The following TXK variants were observed in gnomAD, a reference collection of about 807,000 sequenced individuals.
TXK encodes TXK tyrosine kinase.
TXK carries 60 observed loss-of-function variants against 81.0 expected under a neutral mutation model. The ratio of observed to expected loss-of-function variants is 0.74; its 90% confidence interval spans 0.60 to 0.92. TXK has a LOEUF of 0.92. Ranked by LOEUF, TXK falls within the 40% of genes least tolerant of loss-of-function variation. The pLI, the probability that TXK is intolerant of heterozygous loss-of-function variation, is 0.00. For missense variants in TXK, 581 were observed against 638.3 expected, an observed-to-expected ratio of 0.91 and a Z score of 0.97; for synonymous variants, 203 against 210.7, an observed-to-expected ratio of 0.96 and a Z score of 0.32.
At chr4:48,114,519 C>T (rs1718741412) in intron 1 of TXK, 117 bp from the exon 2 acceptor site, 4 of 1,030,624 alleles carry the variant, frequency 3.9e-6, no homozygotes, top group Non-Finnish European at 5.9e-6. Flanking sequence ...TCGATCGTGC[C>T]TTCCTTCACT....
At chr4:48,074,989 G>A (rs1383411584) in intron 12 of TXK, among the ~76,000 whole-genome samples, 1 of 152,042 alleles carries the variant, frequency 6.6e-6, no homozygotes, top group Non-Finnish European at 1.5e-5. Context: ...CCATGAACAG[G>A]AGTGAGATCT....
intron 1 of TXK, among the ~76,000 whole-genome samples, chr4:48,124,954 A>C (rs1719049938): frequency 6.6e-6 from 1 of 152,218 alleles, no homozygotes; most frequent in Non-Finnish European, 1.5e-5. Flanking sequence ...TGGGCAATCA[A>C]ATCTAGAAAA....
chr4:48,103,290 C>G (rs1324248187), intron 6 of TXK, among the ~76,000 whole-genome samples: 1 of 152,192 alleles, frequency 6.6e-6, no homozygotes, highest in Admixed American at 6.5e-5. Context: ...GTTCTGCCCA[C>G]CTGTCATAAA....
rs1189257188 is a variant in TXK, at chr4:48,067,432, GCAAATCCCTCTCA to G, written c.*192_*204del. 2 of 549,534 alleles carry G rather than the reference GCAAATCCCTCTCA, an allele frequency of 3.6e-6. No individual in the cohort carries two copies. Among genetic ancestry groups the G allele is most frequent in the Non-Finnish European group, 6.4e-6 (2 of 310,758 alleles). The allele number at this position is 549,534 out of a possible 1,614,324, so 34.0% of individuals were successfully genotyped here. ...ATATTTTACAGAAAAATAAGAGTGT[GCAAATCCCTCTCA>G]CACATAGAAAAACGATTGTGTGAAT... On this transcript the variant is annotated 3_prime_UTR_variant, in exon 15 of 15. Transcript: ENST00000264316.
intron 8 of TXK, among the ~76,000 whole-genome samples, chr4:48,090,860 G>A (rs574877270): frequency 1.3e-5 from 2 of 152,342 alleles, no homozygotes; most frequent in Admixed American, 6.5e-5. Context: ...TGACAGCTAC[G>A]CTGACGTTGA....
chr4:48,087,434 T>C (rs938834421), intron 9 of TXK, among the ~76,000 whole-genome samples: 1 of 151,822 alleles, frequency 6.6e-6, no homozygotes, highest in African/African-American at 2.4e-5. Context: ...ATTTTATTAT[T>C]ATTATTATTT....
chr4:48,083,703 T>C (rs1008279006), intron 10 of TXK, among the ~76,000 whole-genome samples: 1 of 152,218 alleles, frequency 6.6e-6, no homozygotes, highest in South Asian at 2.1e-4. Context: ...ACCAACTACA[T>C]GCTAGTCATC....
intron 10 of TXK, among the ~76,000 whole-genome samples, chr4:48,081,703 C>T (rs1315547223): frequency 6.6e-6 from 1 of 152,122 alleles, no homozygotes; most frequent in African/African-American, 2.4e-5. Context: ...ATACCCTCCA[C>T]TCTGACCTTT....
intron 8 of TXK, among the ~76,000 whole-genome samples, chr4:48,092,360 G>A (rs1469388490): frequency 3.3e-5 from 5 of 152,162 alleles, no homozygotes; most frequent in Non-Finnish European, 1.5e-5. Context: ...AAAAGGGGTG[G>A]TGTCAAACAT....
chr4:48,121,996 C>T (rs1174872949), intron 1 of TXK, among the ~76,000 whole-genome samples: 2 of 152,118 alleles, frequency 1.3e-5, no homozygotes, highest in African/African-American at 4.8e-5. Context: ...ATTGCTTTCC[C>T]CATCTCATCC....
intron 1 of TXK, among the ~76,000 whole-genome samples, chr4:48,133,312 T>TA (rs1719294090): frequency 6.6e-6 from 1 of 152,140 alleles, no homozygotes; most frequent in East Asian, 1.9e-4. Flanking sequence ...TAACAGTGTC[T>TA]AGGGAATCTT....
At chr4:48,069,927 C>T (rs139883397) in intron 14 of TXK, among the ~76,000 whole-genome samples, 1 of 152,296 alleles carries the variant, frequency 6.6e-6, no homozygotes, top group East Asian at 1.9e-4. Context: ...TTTTTCTGAA[C>T]ATTTTTTTCT....
chr4:48,114,426 C>T (rs1718738820), intron 1 of TXK, 24 bp from the exon 2 acceptor site: 1 of 1,613,506 alleles, frequency 6.2e-7, no homozygotes. Context: ...CATTTCTCAG[C>T]TGTTAGAAAG....
intron 10 of TXK, among the ~76,000 whole-genome samples, chr4:48,086,147 A>G (rs1717519530): frequency 6.6e-6 from 1 of 152,216 alleles, no homozygotes; most frequent in African/African-American, 2.4e-5. Context: ...TAAATGAGCC[A>G]CCCTCTTCAC....
intron 10 of TXK, among the ~76,000 whole-genome samples, chr4:48,082,456 G>C (rs2109412831): frequency 6.6e-6 from 1 of 152,316 alleles, no homozygotes; most frequent in South Asian, 2.1e-4. Context: ...ACTCTTTAGA[G>C]TAACCAAGAC....
In TXK at chr4:48,110,038, G is replaced by C. The variant is rs1390068448; in HGVS notation, c.446+500C>G. Among the ~76,000 whole-genome samples, 5 of 152,310 alleles carry C rather than the reference G, an allele frequency of 3.3e-5. No homozygotes were observed. The South Asian group carries it at 1.0e-3, about 32-fold the overall frequency. On this transcript the variant is annotated intron_variant, in intron 5 of 14. Coordinates refer to ENST00000264316, the MANE Select transcript of TXK (RefSeq NM_003328.3). ...GAGGGGCTAAAAAAGTGATTGCTAA[G>C]ATTTCCTCCATCTTCCAAATCTGTA...
intron 1 of TXK, among the ~76,000 whole-genome samples, chr4:48,122,218 G>C (rs956737731): frequency 6.6e-6 from 1 of 152,110 alleles, no homozygotes; most frequent in African/African-American, 2.4e-5. Context: ...TGTTCCACAA[G>C]AGCCTATAAA....
chr4:48,107,129 A>G (rs935611437), intron 5 of TXK, among the ~76,000 whole-genome samples: 6 of 151,488 alleles, frequency 4.0e-5, no homozygotes, highest in African/African-American at 9.7e-5. Context: ...GAGCTTATAA[A>G]TAGGACTGAT....
intron 4 of TXK, among the ~76,000 whole-genome samples, chr4:48,111,313 C>T (rs1297837958): frequency 6.6e-6 from 1 of 152,098 alleles, no homozygotes; most frequent in Non-Finnish European, 1.5e-5. Flanking sequence ...ATTCTACAAA[C>T]AATACCATAT....
Sources: gnomAD v4.1 joint callset for allele counts (sites outside exome capture counted in the v4.1 genomes callset) on GRCh38, gnomAD v4.1.1 for gene constraint, MANE v1.5 for transcripts, NCBI Gene and HGNC (gene_info 2026-07-23, HGNC 2026-07-21) for gene names.